Variants in CSMD3 observed in about 807,000 individuals in gnomAD.
CSMD3 encodes CUB and Sushi multiple domains 3.
In CSMD3, 177 loss-of-function variants were observed where a neutral mutation model predicts 435.2. The ratio of observed to expected loss-of-function variants is 0.41; its 90% CI spans 0.36 to 0.46. The LOEUF (loss-of-function observed/expected upper bound fraction) is 0.46, where lower values mean the gene tolerates loss of function less well. CSMD3 is among the 20% of genes least tolerant of loss of function. The pLI is 0.34. For missense variants in CSMD3, 4,265 were observed against 4,504.6 expected, an observed-to-expected ratio of 0.95 and a Z score of 1.52; for synonymous variants, 1,656 against 1,520.5, an observed-to-expected ratio of 1.09 and a Z score of -2.07.
intron 27 of CSMD3, among the ~76,000 whole-genome samples, chr8:112,541,621 A>G (rs1019969172): frequency 6.6e-6 from 1 of 151,912 alleles, no homozygotes; most frequent in African/African-American, 2.4e-5. Flanking sequence ...AAATCTCCCA[A>G]CAAAGAAAAG....
chr8:113,055,247 T>A (rs1259236292), intron 5 of CSMD3, among the ~76,000 whole-genome samples: 1 of 152,120 alleles, frequency 6.6e-6, no homozygotes, highest in Non-Finnish European at 1.5e-5. Context: ...ACCTCCTGCG[T>A]TCAAGCAATT....
At chr8:113,032,374 G>A (rs996843519) in intron 5 of CSMD3, among the ~76,000 whole-genome samples, 1 of 151,526 alleles carries the variant, frequency 6.6e-6, no homozygotes, top group Non-Finnish European at 1.5e-5. Context: ...ATGGAGATGA[G>A]GAACTGACTG....
chr8:112,594,004 C>A (rs543377442), intron 22 of CSMD3, among the ~76,000 whole-genome samples: 12 of 152,076 alleles, frequency 7.9e-5, no homozygotes, highest in Non-Finnish European at 1.3e-4. Context: ...AGGAATAGTA[C>A]AGGGGAGGAG....
chr8:112,794,326 C>A lies in CSMD3; in HGVS notation c.1972+5836G>T, dbSNP rs558946270. On this transcript the variant is annotated intron_variant, in intron 13 of 70. Coordinates refer to ENST00000297405, the MANE Select transcript of CSMD3 (RefSeq NM_198123.2). The stretch of plus-strand genomic sequence containing the variant: ...TTTTTTTTTTTGAGATGGAGTCTCA[C>A]TGTGTAGCCCAGGTTAGAGGGCAGC... Among the ~76,000 whole-genome samples the A allele has an allele frequency of 7.5e-5, 9 of 119,532 alleles. No homozygotes were observed. The East Asian group carries it at 2.6e-3, about 35-fold the overall frequency. The allele number at this position is 119,532 out of a possible 152,430, so 78.4% of individuals were successfully genotyped here. A position where few individuals can be genotyped will look rare whatever the true frequency, so the allele number is the denominator to read the frequency against.
chr8:112,408,840 A>G (rs1832082509), intron 33 of CSMD3, 79 bp downstream of exon 33: 5 of 1,608,826 alleles, frequency 3.1e-6, no homozygotes, highest in Non-Finnish European at 4.3e-6. Flanking sequence ...GATGATATAA[A>G]TCTCAACTTT....
At chr8:113,197,991 G>A (rs893186717) in intron 3 of CSMD3, among the ~76,000 whole-genome samples, 1 of 151,196 alleles carries the variant, frequency 6.6e-6, no homozygotes, top group Non-Finnish European at 1.5e-5. Flanking sequence ...AAATGTAGTT[G>A]TTCCTATTGT....
At chr8:112,500,773 C>A (rs931875909) in intron 30 of CSMD3, among the ~76,000 whole-genome samples, 1 of 152,170 alleles carries the variant, frequency 6.6e-6, no homozygotes, top group African/African-American at 2.4e-5. Flanking sequence ...CACAGTTGTG[C>A]CCATAGGAAA....
chr8:112,669,855 C>T (rs2075615753), intron 16 of CSMD3, among the ~76,000 whole-genome samples: 1 of 152,064 alleles, frequency 6.6e-6, no homozygotes, highest in African/African-American at 2.4e-5. Flanking sequence ...GATAAGTACA[C>T]TATTATAGAT....
chr8:112,654,370 C>T (rs374542809), intron 18 of CSMD3, among the ~76,000 whole-genome samples: 64 of 152,124 alleles, frequency 4.2e-4, no homozygotes, highest in Admixed American at 2.4e-3. Flanking sequence ...GTAAATATAC[C>T]ACAAGACTAA....
intron 10 of CSMD3, among the ~76,000 whole-genome samples, chr8:112,901,191 G>A (rs2082100570): frequency 6.6e-6 from 1 of 151,080 alleles, no homozygotes; most frequent in Non-Finnish European, 1.5e-5. Context: ...CAGATATGAG[G>A]GGCAGTGAGA....
chr8:112,885,505 C>A (rs1290828199), intron 10 of CSMD3, among the ~76,000 whole-genome samples: 1 of 151,560 alleles, frequency 6.6e-6, no homozygotes. Context: ...AGTTGTCAAG[C>A]TCTTGAAATA....
At chr8:113,012,423 T>C (rs548455254) in intron 6 of CSMD3, among the ~76,000 whole-genome samples, 1 of 152,064 alleles carries the variant, frequency 6.6e-6, no homozygotes, top group South Asian at 2.1e-4. Flanking sequence ...GTGTCCCCAC[T>C]CAAATATCAT....
intron 19 of CSMD3, among the ~76,000 whole-genome samples, chr8:112,648,729 T>G (rs758999119): frequency 9.2e-4 from 140 of 152,176 alleles, no homozygotes; most frequent in Non-Finnish European, 9.6e-4. Flanking sequence ...ACTTTTTATC[T>G]TCCTGGTTCT....
At chr8:112,681,138 G>A (rs192109149) in intron 16 of CSMD3, among the ~76,000 whole-genome samples, 7 of 151,280 alleles carry the variant, frequency 4.6e-5, no homozygotes, top group Admixed American at 2.6e-4. Flanking sequence ...AGGTTCAAGC[G>A]ATTCCCCTGC....
At chr8:112,362,407 A>G (rs1563842302) in intron 38 of CSMD3, among the ~76,000 whole-genome samples, 1 of 152,014 alleles carries the variant, frequency 6.6e-6, no homozygotes, top group Non-Finnish European at 1.5e-5. Flanking sequence ...ACTGTAACTG[A>G]TATTTAACTT....
intron 40 of CSMD3, among the ~76,000 whole-genome samples, chr8:112,346,823 C>T (rs966396804): frequency 1.3e-4 from 20 of 151,662 alleles, no homozygotes; most frequent in Non-Finnish European, 2.9e-4. Context: ...GGACTACAGG[C>T]GCCTGCCACC....
chr8:112,900,546 C>T (rs758370144), intron 10 of CSMD3, among the ~76,000 whole-genome samples: 26 of 151,406 alleles, frequency 1.7e-4, no homozygotes, highest in Non-Finnish European at 1.6e-4. Context: ...GAGGCTAATA[C>T]TGTGGCTATC....
At chr8:112,563,545 C>G (rs1828821233) in intron 24 of CSMD3, among the ~76,000 whole-genome samples, 1 of 151,744 alleles carries the variant, frequency 6.6e-6, no homozygotes, top group East Asian at 1.9e-4. Context: ...AGTTTGTATC[C>G]TGTACATCAT....
At chr8:112,776,157 C>A (rs1422813215) in intron 13 of CSMD3, among the ~76,000 whole-genome samples, 1 of 151,692 alleles carries the variant, frequency 6.6e-6, no homozygotes, top group Non-Finnish European at 1.5e-5. Context: ...CTTATTTAAA[C>A]CATGGGAAAC....
Sources: allele counts gnomAD v4.1 joint callset (sites outside exome capture counted in the v4.1 genomes callset), GRCh38; gene constraint gnomAD v4.1.1; transcripts MANE v1.5; gene names NCBI Gene and HGNC (gene_info 2026-07-23, HGNC 2026-07-21).